Variants in DIAPH2 observed in about 807,000 individuals in gnomAD.
DIAPH2 encodes the protein protein diaphanous homolog 2.
DIAPH2 carries 35 observed loss-of-function variants against 92.7 expected under a neutral mutation model. That is an observed-to-expected ratio of 0.38 (90% CI 0.29 to 0.50). The LOEUF (loss-of-function observed/expected upper bound fraction) is 0.50, where lower values mean the gene tolerates loss of function less well. DIAPH2 is among the 20% of genes least tolerant of loss of function. The probability of loss-of-function intolerance (pLI) is 0.94; values close to 1 mark genes in which losing one functional copy is unlikely to be tolerated. For missense variants in DIAPH2, 701 were observed against 819.5 expected (o/e 0.86, Z 1.77); for synonymous variants, 301 against 280.4 (o/e 1.07, Z -0.73).
At chrX:96,803,088 T>C (rs1425498689) in intron 4 of DIAPH2, among the ~76,000 whole-genome samples, 1 of 111,030 alleles carries the variant, frequency 9.0e-6, no homozygotes, top group Admixed American at 9.5e-5. Flanking sequence ...AGGGTGGGTC[T>C]GCCTCTCCCA....
intron 26 of DIAPH2, among the ~76,000 whole-genome samples, chrX:97,531,928 T>A (rs938497971): frequency 2.7e-5 from 3 of 112,708 alleles, no homozygotes; most frequent in Non-Finnish European, 3.7e-5. Flanking sequence ...GCACTATTAC[T>A]TTAGATTAGA....
intron 10 of DIAPH2, among the ~76,000 whole-genome samples, chrX:96,934,008 A>G (rs1228489434): frequency 2.7e-5 from 3 of 110,741 alleles, no homozygotes; most frequent in Non-Finnish European, 5.7e-5. Flanking sequence ...CCAGCCTCCC[A>G]AAGTGCTGGG....
chrX:97,349,851 C>T (rs1345272240), intron 24 of DIAPH2, among the ~76,000 whole-genome samples: 3 of 111,223 alleles, frequency 2.7e-5, no homozygotes, highest in Non-Finnish European at 5.6e-5. Context: ...ATGCTATGAA[C>T]ACATAAGCGC....
At chrX:97,428,364 A>G (rs181496495) in intron 25 of DIAPH2, among the ~76,000 whole-genome samples, 94 of 110,428 alleles carry the variant, frequency 8.5e-4, no homozygotes, top group African/African-American at 3.1e-3. Context: ...ACCTGTCTCT[A>G]CTAAAAATAC....
intron 22 of DIAPH2, among the ~76,000 whole-genome samples, chrX:97,208,869 GT>G (rs1035145703): frequency 1.9e-5 from 2 of 107,741 alleles, no homozygotes; most frequent in Admixed American, 2.0e-4. Flanking sequence ...GCGGTGAGGG[GT>G]TTTTTTTTGG....
At chrX:96,698,725 CTT>C (rs35234363) in intron 1 of DIAPH2, among the ~76,000 whole-genome samples, 154 of 91,489 alleles carry the variant, frequency 1.7e-3, no homozygotes, top group Middle Eastern at 5.4e-3. Context: ...TAATCTTAAA[CTT>C]TTTTTTTTTT....
Position 96,930,279 on chromosome X carries a change from T to A in DIAPH2, c.979-454T>A, listed in dbSNP as rs187197964. Among the ~76,000 whole-genome samples the A allele has an allele frequency of 1.4e-3, 150 of 110,967 alleles. 1 individual carries two copies. The highest frequency in any genetic ancestry group is 4.7e-3 in the African/African-American group (145 of 30,743). ...AGAGAGTTTAAATCAATGTAATAAT[T>A]TATCTAAGTTATCACTGTTCCCTGT... On this transcript the variant is annotated intron_variant, in intron 9 of 26. Transcript: ENST00000324765.
intron 25 of DIAPH2, among the ~76,000 whole-genome samples, chrX:97,384,777 A>G (rs1329948150): frequency 9.1e-6 from 1 of 110,316 alleles, no homozygotes; most frequent in Non-Finnish European, 1.9e-5. Flanking sequence ...GAGGTGAGAG[A>G]ATTGCTTGAA....
In DIAPH2 at chrX:96,690,586, G is replaced by GT. The variant is rs765707888; in HGVS notation, c.132+5398dup. ...ATAAAGTACCATAATATGGTTATATGTTGAAAGATTCCTTATTCTCTCCCC... is the reference window on the plus strand; with the variant it reads ...ATAAAGTACCATAATATGGTTATATGTTTGAAAGATTCCTTATTCTCTCCCC... On this transcript the variant is annotated intron_variant, in intron 1 of 26. Coordinates refer to ENST00000324765, the MANE Select transcript of DIAPH2 (RefSeq NM_006729.5). Among the ~76,000 whole-genome samples the GT allele has an allele frequency of 5.0e-3, 554 of 111,694 alleles. 5 individuals are homozygous for GT. Among genetic ancestry groups the GT allele is most frequent in the African/African-American group, 0.017 (526 of 30,767 alleles).
At chrX:97,431,956 C>G (rs971785599) in intron 26 of DIAPH2, among the ~76,000 whole-genome samples, 7 of 111,882 alleles carry the variant, frequency 6.3e-5, no homozygotes, top group Non-Finnish European at 9.4e-5. Context: ...TCTTAGGCAC[C>G]TGATTTGTTT....
chrX:96,789,989 G>A (rs2064487759), intron 4 of DIAPH2, among the ~76,000 whole-genome samples: 2 of 111,309 alleles, frequency 1.8e-5, no homozygotes, highest in African/African-American at 6.5e-5. Context: ...AAAGAAAAAA[G>A]TGAGAATTCC....
chrX:96,748,118 C>G (rs763954242), intron 3 of DIAPH2, among the ~76,000 whole-genome samples: 6 of 111,698 alleles, frequency 5.4e-5, no homozygotes, highest in African/African-American at 1.9e-4. Context: ...ATTTTATTGC[C>G]GAGCATGATT....
intron 1 of DIAPH2, among the ~76,000 whole-genome samples, chrX:96,726,520 TAAGA>T (rs762283654): frequency 6.3e-5 from 7 of 111,466 alleles, no homozygotes; most frequent in African/African-American, 2.3e-4. Context: ...GCTAGATGAT[TAAGA>T]AAGAGGTGAG....
At chrX:97,250,282 CTT>C (rs2068178217) in intron 23 of DIAPH2, among the ~76,000 whole-genome samples, 1 of 111,452 alleles carries the variant, frequency 9.0e-6, no homozygotes, top group Non-Finnish European at 1.9e-5. Context: ...TGGAAAGTAA[CTT>C]TAGCTACTTA....
Position 96,789,849 on chromosome X carries a change from T to G in DIAPH2, c.447+31591T>G, listed in dbSNP as rs771890053. Reference sequence around the variant, plus strand: ...GTATCTAGGCATATTCTCTGTTGATTCCTGGTTTCAGGTAGTTGTTTGAGT... The same window carrying G: ...GTATCTAGGCATATTCTCTGTTGATGCCTGGTTTCAGGTAGTTGTTTGAGT... On this transcript the variant is annotated intron_variant, in intron 4 of 26. Coordinates refer to ENST00000324765, the MANE Select transcript of DIAPH2 (RefSeq NM_006729.5). 2.7e-5 allele frequency among the ~76,000 whole-genome samples: 3 copies of G among 111,324 alleles called. No homozygotes were observed. In the East Asian group the frequency reaches 8.5e-4, roughly 32 times the overall value.
chrX:97,323,131 G>A lies in DIAPH2; in HGVS notation c.2845-24985G>A, dbSNP rs1330752427. On this transcript the variant is annotated intron_variant, in intron 23 of 26. Coordinates refer to ENST00000324765, the MANE Select transcript of DIAPH2 (RefSeq NM_006729.5). ...ATGTTGGCCAGGCTGGTCTCGATCT[G>A]CTGACCTCAGGTGATCCGCCCACCT... Among the ~76,000 whole-genome samples the A allele has an allele frequency of 8.5e-5, 9 of 105,594 alleles. No homozygotes were observed. The East Asian group carries it at 2.5e-3, about 29-fold the overall frequency. The allele number at this position is 105,594 out of a possible 115,157, so 91.7% of individuals were successfully genotyped here.
chrX:96,981,439 A>G (rs996439619), intron 17 of DIAPH2, among the ~76,000 whole-genome samples: 3 of 112,069 alleles, frequency 2.7e-5, no homozygotes, highest in Non-Finnish European at 5.6e-5. Flanking sequence ...TCAATAGAAT[A>G]ACTATCAAAA....
intron 22 of DIAPH2, among the ~76,000 whole-genome samples, chrX:97,157,029 T>A (rs2067327817): frequency 9.0e-6 from 1 of 111,423 alleles, no homozygotes; most frequent in African/African-American, 3.3e-5. Context: ...TAATAATGTT[T>A]ACTGGCCGGG....
intron 26 of DIAPH2, among the ~76,000 whole-genome samples, chrX:97,519,810 C>T (rs2070977878): frequency 9.0e-6 from 1 of 111,020 alleles, no homozygotes. Flanking sequence ...CGGCTCACCT[C>T]CTCCCCCCAG....
Sources: allele counts gnomAD v4.1 joint callset (sites outside exome capture counted in the v4.1 genomes callset), GRCh38; gene constraint gnomAD v4.1.1; transcripts MANE v1.5; gene names NCBI Gene and HGNC (gene_info 2026-07-23, HGNC 2026-07-21).